The following NADK2 variants were observed in gnomAD, a reference collection of about 807,000 sequenced individuals.
NADK2 encodes the protein NAD kinase domain-containing protein 1, mitochondrial.
A neutral mutation model predicts 62.1 loss-of-function variants in NADK2; 35 were observed. That is an observed-to-expected ratio of 0.56 (90% CI 0.43 to 0.75). The LOEUF is 0.75. Among genes scored for constraint, NADK2 ranks in the 30% least tolerant of loss-of-function variants. The pLI is 0.00. For synonymous variants in NADK2, 205 were observed against 207.9 expected, an observed-to-expected ratio of 0.99 and a Z score of 0.12; for missense variants, 439 against 561.3, an observed-to-expected ratio of 0.78 and a Z score of 2.20.
rs1746178336 is a variant in NADK2, at chr5:36,195,082, T to TA, written c.*61dup. On this transcript the variant is annotated 3_prime_UTR_variant, in exon 12 of 12. Coordinates refer to ENST00000381937, the MANE Select transcript of NADK2 (RefSeq NM_001085411.3). ...CCAAAAAATGTCACTTTACGACTGG[T>TA]AGTCTGTTTCTGAAGTAAAAATATT... is the stretch of plus-strand genomic sequence containing the variant. The TA allele has an allele frequency of 2.6e-6, 4 of 1,544,560 alleles. No individual in the cohort carries two copies. Among genetic ancestry groups the TA allele is most frequent in the Non-Finnish European group, 8.7e-7 (1 of 1,145,638 alleles).
intron 10 of NADK2, among the ~76,000 whole-genome samples, chr5:36,199,443 T>A (rs896259380): frequency 6.6e-6 from 1 of 152,036 alleles, no homozygotes; most frequent in Admixed American, 6.6e-5. Context: ...ACAATCTAGC[T>A]TGAAATTTTA....
chr5:36,240,222 T>C (rs766573725), intron 1 of NADK2, among the ~76,000 whole-genome samples: 3 of 152,196 alleles, frequency 2.0e-5, no homozygotes, highest in Non-Finnish European at 2.9e-5. Flanking sequence ...GTGTATTCTA[T>C]AAACAGTCAT....
At position 36,205,182 on chromosome 5, in the gene NADK2, C is replaced by G. The variant is rs969165829; in HGVS notation, c.956+1988G>C. ...AAATCCATAAAGTTGCTTTAACTAG[C>G]TGGGTACTAGCATATTAGATAACTA... On this transcript the variant is annotated intron_variant, in intron 8 of 11. Coordinates refer to ENST00000381937, the MANE Select transcript of NADK2 (RefSeq NM_001085411.3). This position sits in a 1 kb window ranked among gnomAD's most constrained non-coding sequence, Gnocchi z 4.1. Among the ~76,000 whole-genome samples the G allele has an allele frequency of 6.6e-6, 1 of 151,828 alleles. No homozygotes were observed. Among genetic ancestry groups the G allele is most frequent in the Non-Finnish European group, 1.5e-5 (1 of 67,968 alleles).
At chr5:36,216,485 C>A (rs1161055130) in intron 6 of NADK2, among the ~76,000 whole-genome samples, 1 of 151,956 alleles carries the variant, frequency 6.6e-6, no homozygotes, top group Non-Finnish European at 1.5e-5. Context: ...GCCATAAAAT[C>A]TTTGCCTAGA....
intron 1 of NADK2, among the ~76,000 whole-genome samples, chr5:36,233,153 T>C (rs1211831069): frequency 6.6e-6 from 1 of 152,174 alleles, no homozygotes; most frequent in African/African-American, 2.4e-5. Flanking sequence ...TGCCACTGCT[T>C]GAGTTCTGGA....
intron 1 of NADK2, among the ~76,000 whole-genome samples, chr5:36,239,661 G>A (rs1748036155): frequency 4.0e-5 from 6 of 151,896 alleles, no homozygotes; most frequent in Admixed American, 3.9e-4. Context: ...CTAGTTCAGA[G>A]GTCCAAGAGT....
In NADK2 at chr5:36,241,875, C is replaced by T; in HGVS notation, c.-77G>A. 1 of 1,094,698 alleles carries T rather than the reference C, an allele frequency of 9.1e-7. No homozygotes were observed. Among genetic ancestry groups the T allele is most frequent in the South Asian group, 3.3e-5 (1 of 30,286 alleles). 67.8% of individuals were successfully genotyped at this position (1,094,698 alleles called of 1,614,324 possible). ...CCCTACCGCCGGGAGTGCGCGCCGTCCGCGCCGCCCGGGCCTCTAACTTCG... is the reference window on the plus strand; with the variant it reads ...CCCTACCGCCGGGAGTGCGCGCCGTTCGCGCCGCCCGGGCCTCTAACTTCG... On this transcript the variant is annotated 5_prime_UTR_variant, in exon 1 of 12. Coordinates refer to ENST00000381937, the MANE Select transcript of NADK2 (RefSeq NM_001085411.3). This position sits in a 1 kb window ranked among gnomAD's most constrained non-coding sequence, Gnocchi z 4.9.
In NADK2 at chr5:36,217,854, G is replaced by C; in HGVS notation, c.675C>G (p.Tyr225Ter). Reference sequence around the variant, plus strand: ...CAGGGTTTATGCCAGTCCCTTCAAGGTATAACCTGATTCTCTGCCTCCACA... The same window carrying C: ...CAGGGTTTATGCCAGTCCCTTCAAGCTATAACCTGATTCTCTGCCTCCACA... ...RWLWRQRIRL[Y>*]LEGTGINPVP... Residue 225 changes from tyrosine (Y) to a stop codon, truncating the protein, a stop_gained, in exon 6 of 12, where the codon TAC becomes TAG. Coordinates refer to ENST00000381937, the MANE Select transcript of NADK2 (RefSeq NM_001085411.3). LOFTEE classifies it high-confidence loss of function. 6.2e-7 allele frequency: 1 copy of C among 1,613,586 alleles called. No homozygotes were observed. The highest frequency in any genetic ancestry group is 1.3e-5 in the African/African-American group (1 of 74,988).
At chr5:36,232,355 G>A (rs1290060332) in intron 1 of NADK2, among the ~76,000 whole-genome samples, 1 of 152,068 alleles carries the variant, frequency 6.6e-6, no homozygotes, top group African/African-American at 2.4e-5. Context: ...AAGGAGTTAA[G>A]TTTTTTTAAA....
At chr5:36,200,362 AATGCTTAAAG>A in intron 9 of NADK2, 82 bp from the exon 10 acceptor site, 3 of 817,312 alleles carry the variant, frequency 3.7e-6, no homozygotes, top group Non-Finnish European at 5.2e-6. Context: ...AAGGGGGAAA[AATGCTTAAAG>A]TGTATATGTG....
At chr5:36,210,087 T>C (rs1046243564) in intron 7 of NADK2, among the ~76,000 whole-genome samples, 1 of 152,170 alleles carries the variant, frequency 6.6e-6, no homozygotes, top group Non-Finnish European at 1.5e-5. Context: ...TATGGAACTC[T>C]TAGTAAACTA....
chr5:36,219,532 A>G, intron 5 of NADK2, 64 bp downstream of exon 5: 2 of 1,408,928 alleles, frequency 1.4e-6, no homozygotes, highest in Non-Finnish European at 2.0e-6. Context: ...GTTTTTTAAC[A>G]GCATTATTAA....
chr5:36,218,035 G>T, intron 5 of NADK2, 151 bp from the exon 6 acceptor site: 1 of 610,060 alleles, frequency 1.6e-6, no homozygotes, highest in Admixed American at 3.0e-5. Flanking sequence ...AAAGCCTATA[G>T]CTTCCTTATC....
intron 6 of NADK2, among the ~76,000 whole-genome samples, chr5:36,214,367 A>G (rs1040287074): frequency 1.3e-5 from 2 of 152,094 alleles, no homozygotes; most frequent in African/African-American, 4.8e-5. Context: ...TTTAGTAGAG[A>G]CGAGGTTTTA....
intron 6 of NADK2, chr5:36,212,181 GT>G: frequency 3.6e-6 from 1 of 278,338 alleles, no homozygotes; most frequent in Non-Finnish European, 6.7e-6. Flanking sequence ...TTTCTCAAGA[GT>G]GATGAACTAT....
In NADK2 at chr5:36,207,523, T is replaced by C. The variant is rs574185856; in HGVS notation, c.861-258A>G. On this transcript the variant is annotated intron_variant, in intron 7 of 11. Coordinates refer to ENST00000381937, the MANE Select transcript of NADK2 (RefSeq NM_001085411.3). ...TCTGTCAATACTTTAATATTTCAAATAGGAGCTTCTTGCAAATTTTTAGCT... is the reference window on the plus strand; with the variant it reads ...TCTGTCAATACTTTAATATTTCAAACAGGAGCTTCTTGCAAATTTTTAGCT... Among the ~76,000 whole-genome samples the C allele has an allele frequency of 2.6e-5, 4 of 152,154 alleles. No homozygotes were observed. In the East Asian group the frequency reaches 7.7e-4, roughly 29 times the overall value.
rs540153379 is a variant in NADK2 at position 36,232,948 on chromosome 5, T to C, written c.301-5383A>G. ...CTCTCCAAAAATATCAAAACTTGATTATATACTCCCCCTCAAATCTGCTCT... is the reference window on the plus strand; with the variant it reads ...CTCTCCAAAAATATCAAAACTTGATCATATACTCCCCCTCAAATCTGCTCT... On this transcript the variant is annotated intron_variant, in intron 1 of 11. Coordinates refer to ENST00000381937, the MANE Select transcript of NADK2 (RefSeq NM_001085411.3). Among the ~76,000 whole-genome samples the C allele has an allele frequency of 2.6e-3, 396 of 152,290 alleles. 1 individual carries two copies. Among genetic ancestry groups the C allele is most frequent in the Non-Finnish European group, 4.6e-3 (315 of 68,020 alleles).
Position 36,211,878 on chromosome 5 carries a change from T to C in NADK2, c.826A>G (p.Asn276Asp). The C allele has an allele frequency of 6.2e-7, 1 of 1,613,638 alleles. No homozygotes were observed. Among genetic ancestry groups the C allele is most frequent in the East Asian group, 2.2e-5 (1 of 44,828 alleles). The change falls in exon 7 of 12, where the codon AAT becomes GAT. Residue 276 changes from asparagine to aspartate, a missense_variant. By Grantham distance (23) the Asn-to-Asp change is conservative. Coordinates refer to ENST00000381937, the MANE Select transcript of NADK2 (RefSeq NM_001085411.3). The stretch of plus-strand genomic sequence containing the variant: ...AGACTCTCCCCAATGAAGACTTCAT[T>C]TAGTGCTCTCACTGGCAGAAGTTGG... The part of the protein sequence containing the change: ...GPQLLPVRAL[N>D]EVFIGESLSS...
intron 9 of NADK2, 41 bp downstream of exon 9, chr5:36,201,065 G>A (rs762856271): frequency 3.0e-5 from 47 of 1,548,546 alleles, no homozygotes; most frequent in Admixed American, 2.5e-4. Flanking sequence ...TGTCCCCTGC[G>A]GATAAGAGGG....
Sources: gnomAD v4.1 joint callset for allele counts (sites outside exome capture counted in the v4.1 genomes callset) on GRCh38, gnomAD v4.1.1 for gene constraint, Gnocchi (gnomAD v3.1) non-coding constraint, MANE v1.5 for transcripts, NCBI Gene and HGNC (gene_info 2026-07-23, HGNC 2026-07-21) for gene names.